FER: variants seen among roughly 807,000 people sequenced by gnomAD.
FER encodes the protein FER tyrosine kinase.
Under a neutral mutation model 111.0 loss-of-function variants are expected in FER, and 63 were observed. The ratio of observed to expected loss-of-function variants is 0.57; its 90% CI spans 0.46 to 0.70. FER has a LOEUF of 0.70. Ranked by LOEUF, FER falls within the 30% of genes least tolerant of loss-of-function variation. FER has a pLI of 0.00. For synonymous variants in FER, 327 were observed against 313.9 expected, an observed-to-expected ratio of 1.04 and a Z score of -0.44; for missense variants, 914 against 954.0, an observed-to-expected ratio of 0.96 and a Z score of 0.55.
At chr5:108,778,391 G>A (rs543100943) in intron 2 of FER, among the ~76,000 whole-genome samples, 200 of 152,250 alleles carry the variant, frequency 1.3e-3, no homozygotes, top group African/African-American at 4.3e-3. Context: ...GTTTAGTTTT[G>A]TAAGAAACTG....
At chr5:108,768,971 C>G (rs1017590037) in intron 2 of FER, among the ~76,000 whole-genome samples, 12 of 151,962 alleles carry the variant, frequency 7.9e-5, no homozygotes, top group African/African-American at 2.9e-4. Flanking sequence ...ATTACAGGAG[C>G]TCACCACCAC....
At chr5:109,146,253 AATATATATATATATATATAT>A (rs6149172) in intron 17 of FER, among the ~76,000 whole-genome samples, 1,671 of 42,134 alleles carry the variant, frequency 0.04, 156 homozygotes, top group Non-Finnish European at 0.062. Flanking sequence ...TAATCTATCT[AATATATATATATATATATAT>A]ATATATATAT....
chr5:108,757,687 C>T (rs1303581885), intron 1 of FER, among the ~76,000 whole-genome samples: 1 of 152,172 alleles, frequency 6.6e-6, no homozygotes, highest in Non-Finnish European at 1.5e-5. Context: ...TCCCTTCTGT[C>T]GCACCCTCAA....
At chr5:108,755,751 G>T (rs1490311608) in intron 1 of FER, among the ~76,000 whole-genome samples, 1 of 151,594 alleles carries the variant, frequency 6.6e-6, no homozygotes, top group African/African-American at 2.4e-5. Context: ...CTCCCAAAGT[G>T]CTGGGATTAC....
intron 13 of FER, among the ~76,000 whole-genome samples, chr5:109,029,823 A>G (rs139055104): frequency 4.2e-4 from 64 of 152,104 alleles, no homozygotes; most frequent in African/African-American, 1.3e-3. Flanking sequence ...TGTTTATCCT[A>G]TTTCAGGTCC....
rs752270983 is a variant in FER at position 108,798,188 on chromosome 5, G to A, written c.6G>A (p.Gly2=). 2.5e-6 allele frequency: 4 copies of A among 1,614,028 alleles called. No individual in the cohort carries two copies. Among genetic ancestry groups the A allele is most frequent in the Non-Finnish European group, 3.4e-6 (4 of 1,179,942 alleles). ...GATAACCAGTGCCTTACAAAATGGGGTTTGGGAGTGACCTGAAGAATTCAC... is the reference window on the plus strand; with the variant it reads ...GATAACCAGTGCCTTACAAAATGGGATTTGGGAGTGACCTGAAGAATTCAC... M[G]FGSDLKNSHE... is the part of the protein sequence containing the mutation. Residue 2 remains glycine, a synonymous_variant, in exon 3 of 20, where the codon GGG becomes GGA. Transcript: ENST00000281092.
intron 13 of FER, among the ~76,000 whole-genome samples, chr5:109,017,721 A>T (rs1767362353): frequency 1.3e-5 from 2 of 151,898 alleles, no homozygotes; most frequent in Admixed American, 6.6e-5. Context: ...TAATTTGTTT[A>T]TTTGCTTTAA....
intron 9 of FER, chr5:108,894,316 A>T: frequency 1.1e-6 from 1 of 872,470 alleles, no homozygotes; most frequent in Non-Finnish European, 1.5e-6. Context: ...CACCAATGAA[A>T]GAGGAAGGGG....
intron 17 of FER, among the ~76,000 whole-genome samples, chr5:109,124,845 G>C (rs1381100886): frequency 6.6e-6 from 1 of 152,088 alleles, no homozygotes; most frequent in African/African-American, 2.4e-5. Flanking sequence ...AGGAGATCCA[G>C]ACCATTCTGG....
At chr5:108,810,694 G>A (rs145498029) in intron 3 of FER, among the ~76,000 whole-genome samples, 86 of 151,916 alleles carry the variant, frequency 5.7e-4, no homozygotes, top group African/African-American at 2.0e-3. Flanking sequence ...AGAAGAGTAG[G>A]TGCTCCCAGT....
At chr5:109,163,791 C>T (rs1022883823) in intron 17 of FER, among the ~76,000 whole-genome samples, 2 of 152,052 alleles carry the variant, frequency 1.3e-5, no homozygotes, top group Non-Finnish European at 2.9e-5. Flanking sequence ...AACATTTCTG[C>T]TACTTAGTGT....
At chr5:108,805,977 C>T (rs1757162452) in intron 3 of FER, among the ~76,000 whole-genome samples, 1 of 152,192 alleles carries the variant, frequency 6.6e-6, no homozygotes, top group African/African-American at 2.4e-5. Flanking sequence ...GCAAAAATGT[C>T]TCCAGGGCAT....
At chr5:109,116,303 T>C (rs1257437987) in intron 17 of FER, among the ~76,000 whole-genome samples, 2 of 152,082 alleles carry the variant, frequency 1.3e-5, no homozygotes, top group Admixed American at 1.3e-4. Context: ...GTACTGACTC[T>C]AGACTTCAGT....
intron 13 of FER, among the ~76,000 whole-genome samples, chr5:109,026,063 A>G (rs1009605590): frequency 5.3e-5 from 8 of 152,200 alleles, no homozygotes; most frequent in African/African-American, 1.9e-4. Flanking sequence ...GAAAATATTC[A>G]TATGTGTACA....
intron 13 of FER, among the ~76,000 whole-genome samples, chr5:108,974,769 A>G (rs143191881): frequency 2.6e-5 from 4 of 152,342 alleles, no homozygotes; most frequent in East Asian, 3.9e-4. Flanking sequence ...AACTAGTTAC[A>G]TGGCCAAGGT....
At chr5:108,766,884 A>G (rs567927046) in intron 1 of FER, among the ~76,000 whole-genome samples, 2 of 152,338 alleles carry the variant, frequency 1.3e-5, no homozygotes, top group Non-Finnish European at 2.9e-5. Flanking sequence ...GCTGTAAACT[A>G]CATATATTGA....
chr5:108,942,346 C>T (rs1037374353), intron 10 of FER, among the ~76,000 whole-genome samples: 1 of 152,110 alleles, frequency 6.6e-6, no homozygotes, highest in African/African-American at 2.4e-5. Context: ...TGTTTTAAAA[C>T]AAGATCTTAA....
chr5:109,124,587 TTTG>T (rs148987260), intron 17 of FER, among the ~76,000 whole-genome samples: 46,418 of 150,016 alleles, frequency 0.31, 9,064 homozygotes, highest in African/African-American at 0.56. Context: ...TTTTAATAGT[TTTG>T]TTGTTGTTGT....
chr5:109,167,684 T>G (rs1756694850), intron 17 of FER, among the ~76,000 whole-genome samples: 1 of 152,166 alleles, frequency 6.6e-6, no homozygotes, highest in African/African-American at 2.4e-5. Flanking sequence ...TCTGCCAGAA[T>G]TGGAGTTAAC....
Sources: gnomAD v4.1 joint callset for allele counts (sites outside exome capture counted in the v4.1 genomes callset) on GRCh38, gnomAD v4.1.1 for gene constraint, MANE v1.5 for transcripts, NCBI Gene and HGNC (gene_info 2026-07-23, HGNC 2026-07-21) for gene names.